The following DNER variants were observed in gnomAD, a reference collection of about 807,000 sequenced individuals.
DNER encodes delta/notch like EGF repeat containing.
A neutral mutation model predicts 78.2 loss-of-function variants in DNER; 33 were observed. The observed-to-expected ratio is 0.42, with a 90% CI of 0.32 to 0.56. The LOEUF (loss-of-function observed/expected upper bound fraction) is 0.56, where lower values mean the gene tolerates loss of function less well. Among genes scored for constraint, DNER ranks in the 20% least tolerant of loss-of-function variants. The pLI is 0.11. For missense variants in DNER, 918 were observed against 975.3 expected, an observed-to-expected ratio of 0.94 and a Z score of 0.78; for synonymous variants, 417 against 384.8, an observed-to-expected ratio of 1.08 and a Z score of -0.98.
intron 5 of DNER, among the ~76,000 whole-genome samples, chr2:229,534,358 GGTAACAGACCAATAGATTGTAAT>G (rs1436065660): frequency 3.3e-5 from 5 of 150,486 alleles, no homozygotes; most frequent in African/African-American, 1.2e-4. Context: ...AGATTGTAAT[GGTAACAGACCAATAGATTGTAAT>G]GTAACAGACC....
At chr2:229,457,908 T>G (rs1406732192) in intron 7 of DNER, among the ~76,000 whole-genome samples, 2 of 151,162 alleles carry the variant, frequency 1.3e-5, no homozygotes, top group Non-Finnish European at 2.9e-5. Flanking sequence ...GAGGCCAAGG[T>G]GGGCAGATCA....
At chr2:229,506,593 A>G (rs1185465159) in intron 6 of DNER, among the ~76,000 whole-genome samples, 1 of 150,624 alleles carries the variant, frequency 6.6e-6, no homozygotes, top group Admixed American at 6.6e-5. Flanking sequence ...ATATGTGTAC[A>G]TGTGCCATGT....
chr2:229,419,049 G>T (rs1398302035), intron 8 of DNER, among the ~76,000 whole-genome samples: 2 of 151,822 alleles, frequency 1.3e-5, no homozygotes, highest in Non-Finnish European at 2.9e-5. Flanking sequence ...GAAATGTGAG[G>T]GTATTTTTGT....
chr2:229,434,244 G>A (rs1360961413), intron 8 of DNER, among the ~76,000 whole-genome samples: 4 of 152,156 alleles, frequency 2.6e-5, no homozygotes, highest in Non-Finnish European at 2.9e-5. Flanking sequence ...CAATGCAATC[G>A]TGTCATCCTC....
At chr2:229,522,351 T>A (rs991261618) in intron 5 of DNER, among the ~76,000 whole-genome samples, 9 of 152,232 alleles carry the variant, frequency 5.9e-5, no homozygotes, top group African/African-American at 1.9e-4. Context: ...CTTGGAGTGG[T>A]TATAATTAGG....
At chr2:229,488,471 GTGTGTTGTGTGTGCATT>G (rs1244798335) in intron 6 of DNER, among the ~76,000 whole-genome samples, 1 of 152,220 alleles carries the variant, frequency 6.6e-6, no homozygotes, top group African/African-American at 2.4e-5. Flanking sequence ...GAGTGCACAT[GTGTGTTGTGTGTGCATT>G]TGTGTGTTCT....
At chr2:229,508,214 C>T (rs1389036099) in intron 6 of DNER, among the ~76,000 whole-genome samples, 1 of 152,172 alleles carries the variant, frequency 6.6e-6, no homozygotes, top group Non-Finnish European at 1.5e-5. Context: ...TTGTATACTG[C>T]ACATGTGAGT....
At chr2:229,620,213 G>A (rs1001736785) in intron 1 of DNER, among the ~76,000 whole-genome samples, 4 of 152,160 alleles carry the variant, frequency 2.6e-5, no homozygotes, top group African/African-American at 7.2e-5. Context: ...CATCGCTCCC[G>A]AGAGACACAA....
intron 1 of DNER, among the ~76,000 whole-genome samples, chr2:229,660,909 A>G (rs950783728): frequency 6.6e-6 from 1 of 152,206 alleles, no homozygotes; most frequent in African/African-American, 2.4e-5. Context: ...ATTGCAGCCC[A>G]TCAGAAGAAA....
chr2:229,452,217 G>A (rs148837763), intron 7 of DNER, among the ~76,000 whole-genome samples: 7 of 152,270 alleles, frequency 4.6e-5, no homozygotes, highest in Admixed American at 1.3e-4. Flanking sequence ...TTGTTTACTC[G>A]AATAATTGAG....
rs1697606213 is a variant in DNER at position 229,591,537 on chromosome 2, T to C, written c.585+43A>G. The C allele has an allele frequency of 6.4e-7, 1 of 1,562,070 alleles. No individual in the cohort carries two copies. The highest frequency in any genetic ancestry group is 8.7e-7 in the Non-Finnish European group (1 of 1,154,384). On this transcript the variant is annotated intron_variant, in intron 2 of 12. Transcript: ENST00000341772. This position sits in a 1 kb window ranked among gnomAD's most constrained non-coding sequence, Gnocchi z 4.6. ...GAACCGCTGGAGTCACTTTAAGATTTCTGGTTTCTAATGTAAAAATGCACA... is the reference window on the plus strand; with the variant it reads ...GAACCGCTGGAGTCACTTTAAGATTCCTGGTTTCTAATGTAAAAATGCACA...
intron 10 of DNER, among the ~76,000 whole-genome samples, chr2:229,399,932 G>A (rs189645936): frequency 1.3e-5 from 2 of 152,054 alleles, no homozygotes; most frequent in Admixed American, 6.6e-5. Context: ...CTCACAAAGG[G>A]GTCTGGGGGG....
chr2:229,505,067 G>A (rs1695707087), intron 6 of DNER, among the ~76,000 whole-genome samples: 1 of 152,126 alleles, frequency 6.6e-6, no homozygotes, highest in South Asian at 2.1e-4. Context: ...GAAGGGACCT[G>A]GATCCCTGAG....
At chr2:229,701,138 G>C (rs1309265746) in intron 1 of DNER, among the ~76,000 whole-genome samples, 2 of 152,074 alleles carry the variant, frequency 1.3e-5, no homozygotes, top group South Asian at 4.1e-4. Flanking sequence ...GGGAAGGGAA[G>C]GTTACCAACA....
chr2:229,619,323 C>T lies in DNER; in HGVS notation c.277-27435G>A, dbSNP rs545114823. Among the ~76,000 whole-genome samples, 9 of 152,002 alleles carry T rather than the reference C, an allele frequency of 5.9e-5. No homozygotes were observed. The South Asian group carries it at 6.2e-4, about 11-fold the overall frequency. On this transcript the variant is annotated intron_variant, in intron 1 of 12. Coordinates refer to ENST00000341772, the MANE Select transcript of DNER (RefSeq NM_139072.4). ...GGATATTTTATTTTCATTTTGAACA[C>T]GTTATCTAACAAAATTATCTAGTTG... is the stretch of plus-strand genomic sequence containing the variant.
chr2:229,592,036 G>A (rs532701371), intron 1 of DNER, 148 bp from the exon 2 acceptor site: 2 of 1,111,644 alleles, frequency 1.8e-6, no homozygotes, highest in South Asian at 3.5e-5. Flanking sequence ...TGCTGTTGTG[G>A]GGTGGGGTGT....
intron 1 of DNER, among the ~76,000 whole-genome samples, chr2:229,614,705 C>G (rs888653675): frequency 2.2e-4 from 34 of 152,200 alleles, no homozygotes; most frequent in African/African-American, 8.0e-4. Flanking sequence ...GGGCTCCAGC[C>G]CTGCCTCCTC....
intron 7 of DNER, among the ~76,000 whole-genome samples, chr2:229,456,095 CTGA>C (rs766956729): frequency 2.6e-5 from 4 of 152,006 alleles, no homozygotes. Context: ...GTTTAATTGG[CTGA>C]CGGTTCTGCA....
intron 1 of DNER, among the ~76,000 whole-genome samples, chr2:229,704,968 T>G (rs563388424): frequency 5.3e-5 from 8 of 152,358 alleles, no homozygotes; most frequent in African/African-American, 1.4e-4. Flanking sequence ...CTTTTTGTCC[T>G]ATTCTAATAC....
Sources: allele counts gnomAD v4.1 joint callset (sites outside exome capture counted in the v4.1 genomes callset), GRCh38; gene constraint gnomAD v4.1.1; non-coding constraint Gnocchi (gnomAD v3.1); transcripts MANE v1.5; gene names NCBI Gene and HGNC (gene_info 2026-07-23, HGNC 2026-07-21).